Variants in IRF8 observed in about 807,000 individuals in gnomAD.
IRF8 encodes interferon consensus sequence binding protein 1.
A neutral mutation model predicts 48.7 loss-of-function variants in IRF8; 14 were observed. That is an observed-to-expected ratio of 0.29 (90% CI 0.19 to 0.45). IRF8 has a LOEUF of 0.45. IRF8 is among the 20% of genes least tolerant of loss of function. The pLI is 1.00. For missense variants in IRF8, 493 were observed against 580.7 expected, an observed-to-expected ratio of 0.85 and a Z score of 1.55; for synonymous variants, 278 against 227.3, an observed-to-expected ratio of 1.22 and a Z score of -2.01.
At chr16:85,909,269 G>A in intron 3 of IRF8, 96 bp downstream of exon 3, 4 of 948,416 alleles carry the variant, frequency 4.2e-6, no homozygotes, top group Non-Finnish European at 6.7e-6. Context: ...CAGGGTCTGG[G>A]GCACATAGTT....
chr16:85,921,560 A>G lies in IRF8; in HGVS notation c.*278A>G, dbSNP rs2143063035. 4.4e-6 allele frequency: 2 copies of G among 454,390 alleles called. 1 individual carries two copies. The highest frequency in any genetic ancestry group is 1.2e-3 in the Middle Eastern group (2 of 1,608). 28.1% of individuals were successfully genotyped at this position (454,390 alleles called of 1,614,324 possible). ...TTACCCGTCATTATCATTAGTTGCT[A>G]TGATTCTTTCTGCATTTTCGGTTAA... On this transcript the variant is annotated 3_prime_UTR_variant, in exon 9 of 9. Transcript: ENST00000268638.
intron 3 of IRF8, among the ~76,000 whole-genome samples, chr16:85,911,030 G>A (rs1306383921): frequency 2.6e-5 from 4 of 152,202 alleles, no homozygotes; most frequent in Admixed American, 1.3e-4. Context: ...TTGTGATTAC[G>A]GCTGGTGCCC....
chr16:85,920,035 C>G, intron 7 of IRF8, 74 bp from the exon 8 acceptor site: 1 of 1,090,288 alleles, frequency 9.2e-7, no homozygotes, highest in Non-Finnish European at 1.4e-6. Context: ...TCCTGATCCC[C>G]CAGCCCTGCT....
Position 85,918,245 on chromosome 16 carries a change from G to A in IRF8, c.602-172G>A, listed in dbSNP as rs967123672. The stretch of plus-strand genomic sequence containing the variant: ...TTAGTCATTCTGTGTATTTATTCAT[G>A]CATATAAAAACATTACTTCTACAAG... On this transcript the variant is annotated intron_variant, in intron 6 of 8. Coordinates refer to ENST00000268638, the MANE Select transcript of IRF8 (RefSeq NM_002163.4). 4 of 674,028 alleles carry A rather than the reference G, an allele frequency of 5.9e-6. No homozygotes were observed. The African/African-American group carries it at 7.2e-5, about 12-fold the overall frequency. 41.8% of individuals were successfully genotyped at this position (674,028 alleles called of 1,614,324 possible).
chr16:85,913,285 T>C, intron 5 of IRF8, 49 bp downstream of exon 5: 1 of 1,332,248 alleles, frequency 7.5e-7, no homozygotes, highest in African/African-American at 1.4e-5. Context: ...CTGAAGGGTT[T>C]ACGGCATTCC....
intron 1 of IRF8, among the ~76,000 whole-genome samples, chr16:85,900,643 C>T (rs1418427780): frequency 6.6e-6 from 1 of 152,228 alleles, no homozygotes; most frequent in African/African-American, 2.4e-5. Context: ...CCAACACAGT[C>T]CGCTGGCTGC....
chr16:85,904,643 G>A (rs1054423595), intron 2 of IRF8, among the ~76,000 whole-genome samples: 5 of 152,034 alleles, frequency 3.3e-5, no homozygotes, highest in South Asian at 2.1e-4. Context: ...ACAAGGGAAC[G>A]CTTTGCACTC....
In IRF8 at chr16:85,914,514, C is replaced by T. The variant is rs1330604246; in HGVS notation, c.595C>T (p.His199Tyr). ...GGGGTACACCACCTACGACGCGCAC[C>T]ATTCAGGTACGGGGTGGTCCGGGCT... Reference protein sequence around the residue: ...VTGYTTYDAHHSAFSQMVISF... With the variant: ...VTGYTTYDAHYSAFSQMVISF... Residue 199 changes from histidine (H) to tyrosine (Y), a missense_variant, in exon 6 of 9, where the codon CAT becomes TAT. By Grantham distance (83) the His-to-Tyr change is moderately conservative. Transcript: ENST00000268638. 1.2e-6 allele frequency: 2 copies of T among 1,614,136 alleles called. No homozygotes were observed. The highest frequency in any genetic ancestry group is 1.1e-5 in the South Asian group (1 of 91,082).
chr16:85,899,516 G>C (rs1597247324), intron 1 of IRF8, among the ~76,000 whole-genome samples: 1 of 152,296 alleles, frequency 6.6e-6, no homozygotes, highest in Admixed American at 6.5e-5. Flanking sequence ...CGTTAGGAGA[G>C]CTCATATAAT....
intron 7 of IRF8, 22 bp downstream of exon 7, chr16:85,918,825 C>G (rs376064481): frequency 2.2e-5 from 35 of 1,603,534 alleles, no homozygotes; most frequent in Non-Finnish European, 2.5e-5. Context: ...CGTCACCTTG[C>G]TGCCCCCACA....
rs192764430 is a variant in IRF8, at chr16:85,913,387, C to T, written c.553+151C>T. ...GCCCTGAGAGGTGAAGAACGATGGCCCTGGTTTCCCAACATGAGGGCAGAG... is the reference window on the plus strand; with the variant it reads ...GCCCTGAGAGGTGAAGAACGATGGCTCTGGTTTCCCAACATGAGGGCAGAG... On this transcript the variant is annotated intron_variant, in intron 5 of 8. Coordinates refer to ENST00000268638, the MANE Select transcript of IRF8 (RefSeq NM_002163.4). The T allele has an allele frequency of 3.3e-3, 2,183 of 670,368 alleles. 26 individuals are homozygous for T. Among genetic ancestry groups the T allele is most frequent in the Middle Eastern group, 9.3e-3 (24 of 2,570 alleles). 41.5% of individuals were successfully genotyped at this position (670,368 alleles called of 1,614,324 possible). A position where few individuals can be genotyped will look rare whatever the true frequency, so the allele number is the denominator to read the frequency against.
rs1905558501 is a variant in IRF8 at position 85,921,310 on chromosome 16, C to G, written c.*28C>G. On this transcript the variant is annotated 3_prime_UTR_variant, in exon 9 of 9. Coordinates refer to ENST00000268638, the MANE Select transcript of IRF8 (RefSeq NM_002163.4). ...GCGTCGCTTGGGCGCCCCACCCCGTCTGCGTCCTGCATCCATCTCCCTGTT... is the reference window on the plus strand; with the variant it reads ...GCGTCGCTTGGGCGCCCCACCCCGTGTGCGTCCTGCATCCATCTCCCTGTT... 1.2e-6 allele frequency: 2 copies of G among 1,607,450 alleles called. No homozygotes were observed. Among genetic ancestry groups the G allele is most frequent in the African/African-American group, 1.3e-5 (1 of 74,884 alleles).
At chr16:85,915,467 C>T (rs190595794) in intron 6 of IRF8, among the ~76,000 whole-genome samples, 2 of 152,260 alleles carry the variant, frequency 1.3e-5, no homozygotes, top group Admixed American at 1.3e-4. Context: ...GGAAAACTGT[C>T]GAGATGGCAA....
intron 3 of IRF8, chr16:85,910,019 A>G (rs368109065): frequency 5.9e-5 from 9 of 152,152 alleles, no homozygotes; most frequent in African/African-American, 2.2e-4. Context: ...AACCCCCAAA[A>G]CTTCTTGGGG....
rs778701382 is a variant in IRF8, at chr16:85,920,240, T to C, written c.1104+16T>C. On this transcript the variant is annotated intron_variant, in intron 8 of 8. Coordinates refer to ENST00000268638, the MANE Select transcript of IRF8 (RefSeq NM_002163.4). ...TCTCGTGCAGGTAAGTATGGGCAGCTTTTTTTTTTTTTTTTTTTTTTTTTG... is the reference window on the plus strand; with the variant it reads ...TCTCGTGCAGGTAAGTATGGGCAGCCTTTTTTTTTTTTTTTTTTTTTTTTG... 1 of 86,720 alleles carries C rather than the reference T, an allele frequency of 1.2e-5. No individual in the cohort carries two copies. Among genetic ancestry groups the C allele is most frequent in the South Asian group, 8.8e-5 (1 of 11,426 alleles). The allele number at this position is 86,720 out of a possible 1,614,324, so 5.4% of individuals were successfully genotyped here. A position where few individuals can be genotyped will look rare whatever the true frequency, so the allele number is the denominator to read the frequency against.
At chr16:85,902,952 G>T in intron 1 of IRF8, 63 bp from the exon 2 acceptor site, 1 of 1,573,794 alleles carries the variant, frequency 6.4e-7, no homozygotes, top group Non-Finnish European at 8.7e-7. Context: ...AGCAGTTTTT[G>T]GGTTGCTGTG....
intron 7 of IRF8, 21 bp from the exon 8 acceptor site, chr16:85,920,088 C>A (rs541111105): frequency 6.3e-7 from 1 of 1,584,360 alleles, no homozygotes; most frequent in Non-Finnish European, 8.7e-7. Context: ...TTGCAAACAC[C>A]CTCTGCCTGT....
chr16:85,906,197 T>TA (rs1409961228), intron 2 of IRF8, among the ~76,000 whole-genome samples: 1 of 152,072 alleles, frequency 6.6e-6, no homozygotes, highest in Non-Finnish European at 1.5e-5. Flanking sequence ...AGCATTTAAT[T>TA]AAAAAAATGC....
intron 5 of IRF8, chr16:85,914,037 C>T (rs905283546): frequency 1.3e-5 from 3 of 233,864 alleles, no homozygotes; most frequent in African/African-American, 4.5e-5. Context: ...CCTTGGGTGT[C>T]GAGTAAGAGG....
Sources: gnomAD v4.1 joint callset for allele counts (sites outside exome capture counted in the v4.1 genomes callset) on GRCh38, gnomAD v4.1.1 for gene constraint, MANE v1.5 for transcripts, NCBI Gene and HGNC (gene_info 2026-07-23, HGNC 2026-07-21) for gene names.